SUSD4: variants seen among roughly 807,000 people sequenced by gnomAD.
SUSD4 encodes the protein sushi domain-containing protein 4.
In SUSD4, 41 loss-of-function variants were observed where a neutral mutation model predicts 50.5. The observed-to-expected ratio is 0.81, with a 90% confidence interval of 0.63 to 1.05. SUSD4 has a LOEUF of 1.05. Ranked by LOEUF, SUSD4 falls within the 50% of genes least tolerant of loss-of-function variation. SUSD4 has a pLI of 0.00. For missense variants in SUSD4, 580 were observed against 634.7 expected, an observed-to-expected ratio of 0.91 and a Z score of 0.93; for synonymous variants, 257 against 257.3, an observed-to-expected ratio of 1.00 and a Z score of 0.01.
intron 2 of SUSD4, among the ~76,000 whole-genome samples, chr1:223,355,722 C>T (rs569450905): frequency 6.6e-6 from 1 of 152,172 alleles, no homozygotes; most frequent in Non-Finnish European, 1.5e-5. Context: ...ATAAAGGTCA[C>T]AAATTTCAAA....
chr1:223,235,745 GTTTA>G (rs1417557472), intron 5 of SUSD4, among the ~76,000 whole-genome samples: 2 of 152,168 alleles, frequency 1.3e-5, no homozygotes, highest in South Asian at 2.1e-4. Context: ...ATGTACCATA[GTTTA>G]TTTATCCATT....
At chr1:223,290,997 G>A (rs1222824808) in intron 3 of SUSD4, among the ~76,000 whole-genome samples, 1 of 151,964 alleles carries the variant, frequency 6.6e-6, no homozygotes, top group Non-Finnish European at 1.5e-5. Context: ...TAGAATCTCA[G>A]GGAAACCACA....
At chr1:223,301,568 C>G (rs550732934) in intron 2 of SUSD4, among the ~76,000 whole-genome samples, 4 of 152,302 alleles carry the variant, frequency 2.6e-5, no homozygotes, top group Non-Finnish European at 4.4e-5. Context: ...CTTTTCCCCC[C>G]TTACTTCTAA....
chr1:223,287,274 G>A (rs571622961), intron 3 of SUSD4, among the ~76,000 whole-genome samples: 3 of 152,264 alleles, frequency 2.0e-5, no homozygotes, highest in South Asian at 2.1e-4. Flanking sequence ...ACAAGGTTCC[G>A]CCATGCTGGC....
chr1:223,292,405 A>C (rs1292235212), intron 3 of SUSD4, 34 bp downstream of exon 3: 45 of 1,612,904 alleles, frequency 2.8e-5, no homozygotes, highest in Non-Finnish European at 3.8e-5. Context: ...CTTGAACCAC[A>C]TGAGTGGCTT....
intron 2 of SUSD4, among the ~76,000 whole-genome samples, chr1:223,341,312 A>G (rs918735333): frequency 3.3e-5 from 5 of 152,180 alleles, no homozygotes; most frequent in Admixed American, 3.3e-4. Context: ...ATCATGATTC[A>G]GCATCTGACG....
intron 7 of SUSD4, among the ~76,000 whole-genome samples, chr1:223,224,578 C>A (rs1348572291): frequency 6.6e-6 from 1 of 152,194 alleles, no homozygotes; most frequent in Non-Finnish European, 1.5e-5. Context: ...CACCTCCTGA[C>A]CCCCCGCCAC....
Position 223,363,347 on chromosome 1 carries a change from G to T in SUSD4, c.79C>A (p.Gln27Lys), listed in dbSNP as rs1266384273. The change falls in exon 2 of 9, where the codon CAG (glutamine) becomes AAG (lysine). Residue 27 changes from glutamine (Q) to lysine (K), a missense_variant. Physicochemically the swap from Gln to Lys is moderately conservative, Grantham distance 53. Coordinates refer to ENST00000366878, the MANE Select transcript of SUSD4 (RefSeq NM_017982.4). ...CACAGGATCACGGCCAAGAGTCTCT[G>T]GGGGGACTGAGGTTGCTGCTGCTGC... ...QQQQQQPQSP[Q>K]RLLAVILWFQ... 2 of 1,609,098 alleles carry T rather than the reference G, an allele frequency of 1.2e-6. No individual in the cohort carries two copies. The highest frequency in any genetic ancestry group is 1.7e-6 in the Non-Finnish European group (2 of 1,178,018).
chr1:223,271,953 C>T (rs1456864177), intron 3 of SUSD4, among the ~76,000 whole-genome samples: 6 of 152,116 alleles, frequency 3.9e-5, no homozygotes. Flanking sequence ...ATTTTGAAGG[C>T]AGGTGGCTCA....
intron 4 of SUSD4, among the ~76,000 whole-genome samples, chr1:223,267,122 A>G (rs556445834): frequency 6.6e-6 from 1 of 152,212 alleles, no homozygotes; most frequent in East Asian, 1.9e-4. Flanking sequence ...GATTTGAGGA[A>G]GGGGAGGTGG....
chr1:223,360,268 C>A (rs1396083914), intron 2 of SUSD4: 1 of 470,278 alleles, frequency 2.1e-6, no homozygotes, highest in Admixed American at 2.4e-5. Context: ...GTGGGGGGCA[C>A]TCTGGGCATC....
intron 2 of SUSD4, among the ~76,000 whole-genome samples, chr1:223,306,336 A>G (rs896792658): frequency 6.6e-6 from 1 of 152,238 alleles, no homozygotes; most frequent in Non-Finnish European, 1.5e-5. Flanking sequence ...GGGAAAACAG[A>G]ATAAACCTTC....
chr1:223,267,548 T>C (rs1662576294), intron 4 of SUSD4, among the ~76,000 whole-genome samples: 1 of 152,212 alleles, frequency 6.6e-6, no homozygotes, highest in African/African-American at 2.4e-5. Flanking sequence ...ACACTGGCAG[T>C]TCCTGGGAGA....
At chr1:223,297,631 C>A (rs771571729) in intron 2 of SUSD4, among the ~76,000 whole-genome samples, 1 of 152,190 alleles carries the variant, frequency 6.6e-6, no homozygotes, top group Non-Finnish European at 1.5e-5. Flanking sequence ...TCCAGAGAGC[C>A]TTCCCTCCCC....
At chr1:223,256,767 G>A (rs958786668) in intron 5 of SUSD4, among the ~76,000 whole-genome samples, 1 of 152,204 alleles carries the variant, frequency 6.6e-6, no homozygotes, top group Non-Finnish European at 1.5e-5. Context: ...CTGAGGAAAT[G>A]GACAGAGCTA....
intron 2 of SUSD4, among the ~76,000 whole-genome samples, chr1:223,296,283 G>A (rs901172566): frequency 3.3e-5 from 5 of 152,136 alleles, no homozygotes; most frequent in African/African-American, 1.2e-4. Context: ...AGAGAGGAGA[G>A]AGGCGTCCAG....
chr1:223,304,830 A>G (rs1665431389), intron 2 of SUSD4, among the ~76,000 whole-genome samples: 1 of 49,994 alleles, frequency 2.0e-5, no homozygotes. Flanking sequence ...ATATATATAT[A>G]TATATATATA....
At chr1:223,315,550 G>A (rs1022299967) in intron 2 of SUSD4, among the ~76,000 whole-genome samples, 10 of 152,146 alleles carry the variant, frequency 6.6e-5, no homozygotes, top group East Asian at 1.9e-4. Context: ...AAACCCTAGC[G>A]TCTGCATTTT....
chr1:223,314,421 T>C (rs1666058963), intron 2 of SUSD4, among the ~76,000 whole-genome samples: 1 of 152,114 alleles, frequency 6.6e-6, no homozygotes, highest in Non-Finnish European at 1.5e-5. Flanking sequence ...GGATGCTCGT[T>C]GGTGAGCAGT....
Sources: gnomAD v4.1 joint callset for allele counts (sites outside exome capture counted in the v4.1 genomes callset) on GRCh38, gnomAD v4.1.1 for gene constraint, MANE v1.5 for transcripts, NCBI Gene and HGNC (gene_info 2026-07-23, HGNC 2026-07-21) for gene names.